Variants in DENND1B observed in about 807,000 individuals in gnomAD.
DENND1B encodes DENN domain-containing protein 1B.
A neutral mutation model predicts 90.1 loss-of-function variants in DENND1B; 59 were observed. The observed-to-expected ratio is 0.65, with a 90% CI of 0.53 to 0.81. DENND1B has a LOEUF of 0.81. DENND1B is among the 40% of genes least tolerant of loss of function. The pLI is 0.00. For synonymous variants in DENND1B, 337 were observed against 324.6 expected, an observed-to-expected ratio of 1.04 and a Z score of -0.41; for missense variants, 862 against 912.6, an observed-to-expected ratio of 0.94 and a Z score of 0.71.
At chr1:197,657,715 C>G (rs749832182) in intron 6 of DENND1B, among the ~76,000 whole-genome samples, 10 of 152,096 alleles carry the variant, frequency 6.6e-5, no homozygotes, top group Non-Finnish European at 1.3e-4. Flanking sequence ...AAATTAAATG[C>G]AGAATTATCT....
intron 10 of DENND1B, among the ~76,000 whole-genome samples, chr1:197,620,144 C>T (rs1678021804): frequency 6.6e-6 from 1 of 150,908 alleles, no homozygotes; most frequent in African/African-American, 2.4e-5. Context: ...CGGAAGCATC[C>T]CAAAGATAAT....
rs1248939786 is a variant in DENND1B, at chr1:197,573,112, T to G, written c.1149+10040A>C. 2.0e-5 allele frequency among the ~76,000 whole-genome samples: 3 copies of G among 152,214 alleles called. No homozygotes were observed. In the East Asian group the frequency reaches 5.8e-4, roughly 29 times the overall value. Reference sequence around the variant, plus strand: ...CCAGCTCCTGGATTCATTAATTTTTTGAAGGGTTTTTTTGGTCTCTATTTC... The same window carrying G: ...CCAGCTCCTGGATTCATTAATTTTTGGAAGGGTTTTTTTGGTCTCTATTTC... On this transcript the variant is annotated intron_variant, in intron 15 of 22. Coordinates refer to ENST00000620048, the MANE Select transcript of DENND1B (RefSeq NM_001195215.2).
At position 197,561,583 on chromosome 1, in the gene DENND1B, C is replaced by G. The variant is rs79023114; in HGVS notation, c.1150-8471G>C. On this transcript the variant is annotated intron_variant, in intron 15 of 22. Transcript: ENST00000620048. ...TGATGACTCCAAAATGTATATACCT[C>G]CAGTCCAGTATTCTCCCCTCCTCCT... Among the ~76,000 whole-genome samples the G allele has an allele frequency of 6.7e-3, 1,014 of 151,858 alleles. 4 individuals are homozygous for G. The highest frequency in any genetic ancestry group is 0.022 in the African/African-American group (933 of 41,486).
In DENND1B at chr1:197,656,081, A is replaced by T. The variant is rs1572213070; in HGVS notation, c.366+2219T>A. On this transcript the variant is annotated intron_variant, in intron 6 of 22. Coordinates refer to ENST00000620048, the MANE Select transcript of DENND1B (RefSeq NM_001195215.2). ...TTCTAAGAAAAAGAGGAGACTATGA[A>T]GCGATTGTAAGCAGTGGAATAAAAT... Among the ~76,000 whole-genome samples the T allele has an allele frequency of 2.0e-5, 3 of 152,304 alleles. No homozygotes were observed. In the East Asian group the frequency reaches 5.8e-4, roughly 29 times the overall value.
At chr1:197,775,089 G>T (rs1053762660) in intron 1 of DENND1B, 50 bp downstream of exon 1, 4 of 1,203,420 alleles carry the variant, frequency 3.3e-6, no homozygotes, top group Middle Eastern at 6.5e-4. Flanking sequence ...GGCCTGGGAG[G>T]GGCCGCCGAG....
intron 2 of DENND1B, among the ~76,000 whole-genome samples, chr1:197,770,897 T>C (rs1230434076): frequency 1.4e-5 from 2 of 142,972 alleles, no homozygotes; most frequent in Admixed American, 1.4e-4. Context: ...TATAAATATA[T>C]CTATATATCT....
intron 3 of DENND1B, among the ~76,000 whole-genome samples, chr1:197,685,296 G>GA (rs1314318696): frequency 6.6e-6 from 1 of 152,106 alleles, no homozygotes; most frequent in East Asian, 1.9e-4. Flanking sequence ...TCAGGATTGG[G>GA]AATCTGTAAA....
chr1:197,546,632 ATATTTCAAATAAACAGCATAAG>A (rs1670834721), intron 17 of DENND1B, 79 bp downstream of exon 17: 1 of 1,004,478 alleles, frequency 1.0e-6, no homozygotes, highest in Admixed American at 3.4e-5. Context: ...AACATTTCAA[ATATTTCAAATAAACAGCATAAG>A]TATAAACAGC....
intron 15 of DENND1B, among the ~76,000 whole-genome samples, chr1:197,574,240 A>T (rs545659577): frequency 2.0e-5 from 3 of 152,366 alleles, no homozygotes; most frequent in African/African-American, 7.2e-5. Context: ...AACTTCAGCA[A>T]AGTCTCAGGA....
At chr1:197,777,370 C>G (rs952818009), upstream of DENND1B, among the ~76,000 whole-genome samples, 2 of 152,124 alleles carry the variant, frequency 1.3e-5, no homozygotes, top group African/African-American at 4.8e-5. Flanking sequence ...GAGGGAAATA[C>G]TACACATTCG....
intron 2 of DENND1B, chr1:197,735,426 T>A (rs1278479891): frequency 1.1e-5 from 16 of 1,435,172 alleles, no homozygotes; most frequent in Non-Finnish European, 1.3e-5. Flanking sequence ...TAAAAAAAAA[T>A]ACTCTGAAGC....
chr1:197,535,105 C>T (rs1394334486), intron 20 of DENND1B, among the ~76,000 whole-genome samples: 1 of 152,080 alleles, frequency 6.6e-6, no homozygotes, highest in African/African-American at 2.4e-5. Flanking sequence ...AATATAGTAC[C>T]CTAAATTCAT....
At chr1:197,655,738 G>T (rs377086272) in intron 6 of DENND1B, among the ~76,000 whole-genome samples, 1 of 151,786 alleles carries the variant, frequency 6.6e-6, no homozygotes, top group South Asian at 2.1e-4. Context: ...TTCACTGTGT[G>T]AGCCAGGATG....
chr1:197,715,825 C>T (rs1021414305), intron 2 of DENND1B, among the ~76,000 whole-genome samples: 3 of 151,486 alleles, frequency 2.0e-5, no homozygotes, highest in African/African-American at 7.3e-5. Context: ...GTTTAGTAAG[C>T]ACTAATAAAT....
At chr1:197,714,054 G>A (rs1660375742) in intron 3 of DENND1B, among the ~76,000 whole-genome samples, 1 of 101,578 alleles carries the variant, frequency 9.8e-6, no homozygotes, top group African/African-American at 3.7e-5. Context: ...TCGGCTCACT[G>A]CAACCTCCAC....
chr1:197,679,134 C>T (rs1278057507), intron 3 of DENND1B, among the ~76,000 whole-genome samples: 1 of 151,668 alleles, frequency 6.6e-6, no homozygotes. Flanking sequence ...GAAGCAAATA[C>T]ATTCTGCCAT....
intron 2 of DENND1B, among the ~76,000 whole-genome samples, chr1:197,719,798 T>C (rs1470195502): frequency 2.6e-5 from 4 of 152,194 alleles, no homozygotes; most frequent in African/African-American, 4.8e-5. Flanking sequence ...GGAAGTCATA[T>C]TTTCTGAAAA....
intron 16 of DENND1B, among the ~76,000 whole-genome samples, chr1:197,549,524 T>C (rs1005109097): frequency 1.3e-5 from 2 of 152,094 alleles, no homozygotes; most frequent in Non-Finnish European, 2.9e-5. Context: ...TGTTTAAAGT[T>C]GATGTAAATG....
intron 3 of DENND1B, among the ~76,000 whole-genome samples, chr1:197,676,905 T>A (rs1466258639): frequency 6.6e-6 from 1 of 152,092 alleles, no homozygotes; most frequent in South Asian, 2.1e-4. Context: ...CAATTGCTAG[T>A]GTTAGAGTGG....
Sources: allele counts gnomAD v4.1 joint callset (sites outside exome capture counted in the v4.1 genomes callset), GRCh38; gene constraint gnomAD v4.1.1; transcripts MANE v1.5; gene names NCBI Gene and HGNC (gene_info 2026-07-23, HGNC 2026-07-21).